PARP15: variants seen among roughly 807,000 people sequenced by gnomAD.
PARP15 encodes protein mono-ADP-ribosyltransferase PARP15.
In PARP15, 50 loss-of-function variants were observed where a neutral mutation model predicts 62.1. The observed-to-expected ratio is 0.81, with a 90% CI of 0.64 to 1.02. The LOEUF is 1.02. Ranked by LOEUF, PARP15 falls within the 50% of genes least tolerant of loss-of-function variation. The pLI is 0.00. For synonymous variants in PARP15, 309 were observed against 293.1 expected, an observed-to-expected ratio of 1.05 and a Z score of -0.55; for missense variants, 820 against 826.5, an observed-to-expected ratio of 0.99 and a Z score of 0.10.
chr3:122,636,124 T>C lies in PARP15; in HGVS notation c.*24T>C, dbSNP rs1167364253. 1.9e-6 allele frequency: 3 copies of C among 1,586,360 alleles called. No individual in the cohort carries two copies. Among genetic ancestry groups the C allele is most frequent in the African/African-American group, 1.3e-5 (1 of 74,342 alleles). On this transcript the variant is annotated 3_prime_UTR_variant, in exon 12 of 12. Transcript: ENST00000464300. Reference sequence around the variant, plus strand: ...AAAAATATTTTTATCATCAAAGAGATGATTTAAGTCATCTGTAAGAACAAC... The same window carrying C: ...AAAAATATTTTTATCATCAAAGAGACGATTTAAGTCATCTGTAAGAACAAC...
intron 8 of PARP15, 68 bp downstream of exon 8, chr3:122,621,679 T>A: frequency 1.4e-6 from 2 of 1,420,028 alleles, no homozygotes; most frequent in Non-Finnish European, 1.9e-6. Flanking sequence ...GTCTCACTCT[T>A]AAGCAGATCA....
intron 1 of PARP15, among the ~76,000 whole-genome samples, chr3:122,580,234 A>G (rs184955445): frequency 4.0e-5 from 6 of 151,754 alleles, no homozygotes; most frequent in East Asian, 1.9e-4. Flanking sequence ...TGTTCTATCA[A>G]TTATTTAGAG....
rs79157480 is a variant in PARP15 at position 122,624,601 on chromosome 3, T to C, written c.1232-2226T>C. Reference sequence around the variant, plus strand: ...CCCTAATAATGTCTTCACCTGGTTATATGACTTAGTAAAATTTCAAAAGTA... The same window carrying C: ...CCCTAATAATGTCTTCACCTGGTTACATGACTTAGTAAAATTTCAAAAGTA... On this transcript the variant is annotated intron_variant, in intron 8 of 11. Transcript: ENST00000464300. Among the ~76,000 whole-genome samples the C allele has an allele frequency of 9.4e-3, 1,431 of 152,348 alleles. 25 individuals carry two copies. The highest frequency in any genetic ancestry group is 0.032 in the African/African-American group (1,342 of 41,578).
rs925134609 is a variant in PARP15, at chr3:122,610,618, CAG to C, written c.434_435del (p.Glu145GlyfsTer5). The C allele has an allele frequency of 2.6e-6, 4 of 1,551,520 alleles. No homozygotes were observed. Among genetic ancestry groups the C allele is most frequent in the African/African-American group, 2.7e-5 (2 of 72,986 alleles). On this transcript the variant is annotated frameshift_variant, in exon 3 of 12. Coordinates refer to ENST00000464300, the MANE Select transcript of PARP15 (RefSeq NM_001113523.3). LOFTEE classifies it high-confidence loss of function. ...GAGTTAGATGACAGAAGGCGGGAAACAGAGGAAAAAGTAGGTAACATATTCAT... is the reference window on the plus strand; with the variant it reads ...GAGTTAGATGACAGAAGGCGGGAAACAGGAAAAAGTAGGTAACATATTCAT...
At chr3:122,605,012 G>A (rs1268453295) in intron 1 of PARP15, among the ~76,000 whole-genome samples, 1 of 152,124 alleles carries the variant, frequency 6.6e-6, no homozygotes, top group Non-Finnish European at 1.5e-5. Flanking sequence ...CTGCAGCCTA[G>A]GTGACAGAGC....
At chr3:122,598,264 C>T (rs937185782) in intron 1 of PARP15, among the ~76,000 whole-genome samples, 1 of 152,236 alleles carries the variant, frequency 6.6e-6, no homozygotes, top group African/African-American at 2.4e-5. Flanking sequence ...CAAATTACCA[C>T]AAAACTTGGG....
At chr3:122,631,508 G>A (rs1046628355) in intron 9 of PARP15, among the ~76,000 whole-genome samples, 1 of 152,206 alleles carries the variant, frequency 6.6e-6, no homozygotes, top group Non-Finnish European at 1.5e-5. Context: ...GCAAGTTGAT[G>A]TCTAGCCTTG....
intron 2 of PARP15, among the ~76,000 whole-genome samples, chr3:122,606,782 G>A (rs889314317): frequency 6.6e-6 from 1 of 152,190 alleles, no homozygotes; most frequent in Non-Finnish European, 1.5e-5. Flanking sequence ...TGCAGCTAGG[G>A]CTGAGAATCA....
At chr3:122,590,222 C>G (rs1489036713) in intron 1 of PARP15, among the ~76,000 whole-genome samples, 1 of 151,034 alleles carries the variant, frequency 6.6e-6, no homozygotes, top group Non-Finnish European at 1.5e-5. Flanking sequence ...CATTTCTATA[C>G]TTACCCTCTT....
At chr3:122,594,104 A>G (rs1313690387) in intron 1 of PARP15, among the ~76,000 whole-genome samples, 2 of 152,224 alleles carry the variant, frequency 1.3e-5, no homozygotes, top group East Asian at 1.9e-4. Flanking sequence ...TCAGAATTCC[A>G]TGTTAGACAT....
intron 1 of PARP15, among the ~76,000 whole-genome samples, chr3:122,581,326 A>T (rs2080797827): frequency 6.6e-6 from 1 of 152,188 alleles, no homozygotes; most frequent in Non-Finnish European, 1.5e-5. Context: ...CATTCCCACC[A>T]ACAGTACACA....
Position 122,615,759 on chromosome 3 carries a change from G to A in PARP15, c.772-20G>A. The stretch of plus-strand genomic sequence containing the variant: ...TTTTTACACAATATTGTTGTAGTCA[G>A]TAACTGTTTCTATTTCCAGGCATTT... On this transcript the variant is annotated intron_variant, in intron 4 of 11. Transcript: ENST00000464300. 6.2e-7 allele frequency: 1 copy of A among 1,608,838 alleles called. No homozygotes were observed. Among genetic ancestry groups the A allele is most frequent in the Non-Finnish European group, 8.5e-7 (1 of 1,175,272 alleles).
At chr3:122,604,663 G>A (rs1054516863) in intron 1 of PARP15, among the ~76,000 whole-genome samples, 21 of 151,788 alleles carry the variant, frequency 1.4e-4, no homozygotes, top group African/African-American at 4.8e-4. Context: ...GACCAGCCTG[G>A]CCAACAATTA....
chr3:122,584,049 C>A (rs1366137894), intron 1 of PARP15, among the ~76,000 whole-genome samples: 4 of 151,720 alleles, frequency 2.6e-5, no homozygotes. Flanking sequence ...TGGTAAGCTC[C>A]ATGTGGAGCA....
intron 9 of PARP15, 26 bp from the exon 10 acceptor site, chr3:122,632,060 G>A (rs1937086081): frequency 6.2e-7 from 1 of 1,613,700 alleles, no homozygotes; most frequent in Admixed American, 1.7e-5. Context: ...TGAATGTTGT[G>A]TTTTGACCAA....
At chr3:122,583,504 C>G (rs1486147931) in intron 1 of PARP15, among the ~76,000 whole-genome samples, 1 of 151,878 alleles carries the variant, frequency 6.6e-6, no homozygotes, top group Non-Finnish European at 1.5e-5. Context: ...TTTTTCATGC[C>G]TAGTAATTTT....
At chr3:122,633,847 T>C (rs1053531018) in intron 10 of PARP15, among the ~76,000 whole-genome samples, 1 of 152,218 alleles carries the variant, frequency 6.6e-6, no homozygotes, top group Non-Finnish European at 1.5e-5. Flanking sequence ...TCTTGGCTCA[T>C]ACTTCTTTTG....
intron 2 of PARP15, 138 bp from the exon 3 acceptor site, chr3:122,610,355 TC>T (rs546843185): frequency 3.2e-4 from 229 of 726,112 alleles, no homozygotes; most frequent in Admixed American, 1.2e-3. Context: ...GACTGTAAGC[TC>T]CTTGAGGGTG....
intron 1 of PARP15, among the ~76,000 whole-genome samples, chr3:122,589,181 C>G (rs562746919): frequency 1.3e-5 from 2 of 152,248 alleles, no homozygotes; most frequent in South Asian, 2.1e-4. Flanking sequence ...AGGGCTCTCT[C>G]ATCCTGGTTT....
Sources: allele counts gnomAD v4.1 joint callset (sites outside exome capture counted in the v4.1 genomes callset), GRCh38; gene constraint gnomAD v4.1.1; transcripts MANE v1.5; gene names NCBI Gene and HGNC (gene_info 2026-07-23, HGNC 2026-07-21).